The following ATP6V0A4 variants were observed in gnomAD, a reference collection of about 807,000 sequenced individuals.
ATP6V0A4 encodes ATPase H+ transporting V0 subunit a4, also known as V-type proton ATPase 116 kDa subunit a 4.
Under a neutral mutation model 107.3 loss-of-function variants are expected in ATP6V0A4, and 86 were observed. The observed-to-expected ratio is 0.80, with a 90% CI of 0.67 to 0.96. The LOEUF (loss-of-function observed/expected upper bound fraction) is 0.96, where lower values mean the gene tolerates loss of function less well. Ranked by LOEUF, ATP6V0A4 falls within the 40% of genes least tolerant of loss-of-function variation. The pLI is 0.00. For synonymous variants in ATP6V0A4, 353 were observed against 381.4 expected (o/e 0.93, Z 0.87); for missense variants, 908 against 1,045.6 (o/e 0.87, Z 1.81).
chr7:138,753,296 C>T (rs2117292688), intron 10 of ATP6V0A4, among the ~76,000 whole-genome samples: 1 of 152,310 alleles, frequency 6.6e-6, no homozygotes, highest in East Asian at 1.9e-4. Flanking sequence ...GAAGTAGGCA[C>T]TTGCAAGCCA....
At chr7:138,745,429 G>A (rs968990969) in intron 13 of ATP6V0A4, 149 bp from the exon 14 acceptor site, 7 of 1,157,212 alleles carry the variant, frequency 6.0e-6, no homozygotes, top group Non-Finnish European at 8.9e-6. Flanking sequence ...CATCCAGACA[G>A]GAAGAGCACA....
In ATP6V0A4 at chr7:138,755,769, C is replaced by T. The variant is rs1167622017; in HGVS notation, c.736G>A (p.Val246Ile). 6.2e-7 allele frequency: 1 copy of T among 1,613,446 alleles called. No individual in the cohort carries two copies. Among genetic ancestry groups the T allele is most frequent in the African/African-American group, 1.3e-5 (1 of 75,078 alleles). ...ACCGCAGGCTCTGGGCAAGGGTAGA[C>T]AGTGGCTCGAAACCTGTGTTTAATA... ...KKICDGFRAT[V>I]YPCPEPAVER... The change falls in exon 10 of 22, where the codon GTC becomes ATC. Residue 246 changes from valine (V) to isoleucine (I), a missense_variant. Transcript: ENST00000310018.
chr7:138,715,070 C>A (rs1562977833), intron 20 of ATP6V0A4, among the ~76,000 whole-genome samples: 1 of 152,156 alleles, frequency 6.6e-6, no homozygotes, highest in African/African-American at 2.4e-5. Flanking sequence ...ATGCAGGCAG[C>A]CTCAAGAGGC....
chr7:138,709,851 T>G, intron 20 of ATP6V0A4, 56 bp from the exon 21 acceptor site: 1 of 1,585,424 alleles, frequency 6.3e-7, no homozygotes, highest in East Asian at 2.3e-5. Context: ...TGTTATTTAT[T>G]GTATTTTCTC....
Position 138,747,561 on chromosome 7 carries a change from G to A in ATP6V0A4, c.1184C>T (p.Pro395Leu), listed in dbSNP as rs755337830. ...VGSYREINPA[P>L]YTIITFPFLF... ...GAAGGGGAAAGTGATGATGGTGTAGGGGGCTGCGGAGGGGAGACACACAAC... is the reference window on the plus strand; with the variant it reads ...GAAGGGGAAAGTGATGATGGTGTAGAGGGCTGCGGAGGGGAGACACACAAC... Residue 395 changes from proline (P) to leucine (L), a missense_variant, in exon 13 of 22, where the codon CCC (proline) becomes CTC (leucine). By Grantham distance (98) the Pro-to-Leu change is moderately conservative. Coordinates refer to ENST00000310018, the MANE Select transcript of ATP6V0A4 (RefSeq NM_020632.3). 8 of 1,613,940 alleles carry A rather than the reference G, an allele frequency of 5.0e-6. No individual in the cohort carries two copies. The highest frequency in any genetic ancestry group is 2.2e-5 in the South Asian group (2 of 91,030).
At chr7:138,729,039 TA>T (rs1804857220) in intron 17 of ATP6V0A4, 177 bp from the exon 18 acceptor site, 2 of 829,998 alleles carry the variant, frequency 2.4e-6, no homozygotes, top group African/African-American at 3.7e-5. Context: ...GATAGAGAAA[TA>T]TCTGTCCAGT....
chr7:138,780,783 G>C (rs1196354833), intron 2 of ATP6V0A4, among the ~76,000 whole-genome samples: 1 of 152,062 alleles, frequency 6.6e-6, no homozygotes, highest in Admixed American at 6.6e-5. Context: ...GTGCATGCCT[G>C]TGCTTCCAGC....
chr7:138,715,995 T>A, intron 19 of ATP6V0A4, 114 bp from the exon 20 acceptor site: 1 of 1,408,274 alleles, frequency 7.1e-7, no homozygotes, highest in Non-Finnish European at 9.9e-7. Context: ...ACTTTCAGTC[T>A]AACTAGGGGA....
chr7:138,760,964 T>A (rs535587258), intron 7 of ATP6V0A4, among the ~76,000 whole-genome samples: 2 of 152,232 alleles, frequency 1.3e-5, no homozygotes, highest in South Asian at 4.2e-4. Context: ...AACTATCCCA[T>A]TTCTTTTTTT....
In ATP6V0A4 at chr7:138,762,424, T is replaced by C. The variant is rs1806870820; in HGVS notation, c.428A>G (p.Asn143Ser). The C allele has an allele frequency of 3.7e-6, 6 of 1,614,158 alleles. No homozygotes were observed. Among genetic ancestry groups the C allele is most frequent in the Non-Finnish European group, 5.1e-6 (6 of 1,180,002 alleles). The part of the protein sequence containing the change: ...KTQDFFETET[N>S]LADDFFTEDT... ...CTCAGTAAAGAAATCATCAGCTAAA[T>C]TGGTTTCCGTCTGAAAGTCAAAGCA... The change falls in exon 7 of 22, where the codon AAT (asparagine) becomes AGT (serine). Residue 143 changes from asparagine (N) to serine (S), a missense_variant. Physicochemically the swap from Asn to Ser is conservative, Grantham distance 46. Coordinates refer to ENST00000310018, the MANE Select transcript of ATP6V0A4 (RefSeq NM_020632.3).
chr7:138,766,936 CT>C (rs1807121519), intron 5 of ATP6V0A4, among the ~76,000 whole-genome samples: 1 of 152,198 alleles, frequency 6.6e-6, no homozygotes, highest in Admixed American at 6.5e-5. Context: ...CCTTTTCCCA[CT>C]GCTTATCTGT....
At chr7:138,776,106 C>G (rs1481464942) in intron 2 of ATP6V0A4, among the ~76,000 whole-genome samples, 1 of 152,184 alleles carries the variant, frequency 6.6e-6, no homozygotes, top group East Asian at 1.9e-4. Context: ...AACCACCATG[C>G]CTGGCCAAGA....
rs1293214157 is a variant in ATP6V0A4, at chr7:138,734,061, A to G, written c.1691+75T>C. On this transcript the variant is annotated intron_variant, in intron 16 of 21. Transcript: ENST00000310018. ...ACTTGCACAGAGAGATGCAGTTCCCAAACCAGTGGCTCTGTCACCATTCAT... is the reference window on the plus strand; with the variant it reads ...ACTTGCACAGAGAGATGCAGTTCCCGAACCAGTGGCTCTGTCACCATTCAT... 3 of 1,509,784 alleles carry G rather than the reference A, an allele frequency of 2.0e-6. No individual in the cohort carries two copies. In the African/African-American group the frequency reaches 4.1e-5, roughly 21 times the overall value. 93.5% of individuals were successfully genotyped at this position (1,509,784 alleles called of 1,614,324 possible). A position where few individuals can be genotyped will look rare whatever the true frequency, so the allele number is the denominator to read the frequency against.
rs553922313 is a variant in ATP6V0A4, at chr7:138,711,131, A to G, written c.2258-1336T>C. On this transcript the variant is annotated intron_variant, in intron 20 of 21. Transcript: ENST00000310018. Reference sequence around the variant, plus strand: ...CTCCTCAGCTGTTTCCCACACCCCCAGCTCTAAAGGTCTTTTCTACACATT... The same window carrying G: ...CTCCTCAGCTGTTTCCCACACCCCCGGCTCTAAAGGTCTTTTCTACACATT... 1.8e-3 allele frequency among the ~76,000 whole-genome samples: 257 copies of G among 144,514 alleles called. 3 individuals carry two copies. The highest frequency in any genetic ancestry group is 8.1e-4 in the East Asian group (4 of 4,916). The allele number at this position is 144,514 out of a possible 152,430, so 94.8% of individuals were successfully genotyped here. A position where few individuals can be genotyped will look rare whatever the true frequency, so the allele number is the denominator to read the frequency against.
chr7:138,796,363 T>C (rs1054204875), intron 1 of ATP6V0A4, among the ~76,000 whole-genome samples: 3 of 152,160 alleles, frequency 2.0e-5, no homozygotes, highest in African/African-American at 7.2e-5. Context: ...AGGCCACCAC[T>C]ATTTTATATC....
chr7:138,752,044 A>C (rs28678315), intron 11 of ATP6V0A4, among the ~76,000 whole-genome samples: 26,871 of 151,974 alleles, frequency 0.18, 2,514 homozygotes, highest in Middle Eastern at 0.22. Flanking sequence ...AATCCCCCCA[A>C]AACGATAGTC....
In ATP6V0A4 at chr7:138,706,362, A is replaced by C; in HGVS notation, c.*262T>G. The C allele has an allele frequency of 2.0e-6, 1 of 491,560 alleles. No homozygotes were observed. The highest frequency in any genetic ancestry group is 3.3e-5 in the Admixed American group (1 of 30,718). 30.4% of individuals were successfully genotyped at this position (491,560 alleles called of 1,614,324 possible). A position where few individuals can be genotyped will look rare whatever the true frequency, so the allele number is the denominator to read the frequency against. On this transcript the variant is annotated 3_prime_UTR_variant, in exon 22 of 22. Transcript: ENST00000310018. ...TATTGCAAGAAGACATCTGTTTAGCATTCTCCCCTCATTTGTCAATTACTT... is the reference window on the plus strand; with the variant it reads ...TATTGCAAGAAGACATCTGTTTAGCCTTCTCCCCTCATTTGTCAATTACTT...
rs1333976244 is a variant in ATP6V0A4, at chr7:138,759,811, G to A, written c.580C>T (p.Arg194Ter). ...SFERLLWRIC[R>*]GNVYLKFSEM... Reference sequence around the variant, plus strand: ...CTGAACTTCAAGTACACGTTTCCTCGGCAGATTCGCCACAGTAACCGCTCA... The same window carrying A: ...CTGAACTTCAAGTACACGTTTCCTCAGCAGATTCGCCACAGTAACCGCTCA... Residue 194 changes from arginine (R) to a stop codon, truncating the protein, a stop_gained, in exon 8 of 22, where the codon CGA becomes TGA. Coordinates refer to ENST00000310018, the MANE Select transcript of ATP6V0A4 (RefSeq NM_020632.3). LOFTEE classifies it high-confidence loss of function. The A allele has an allele frequency of 3.7e-6, 6 of 1,614,058 alleles. No homozygotes were observed. The highest frequency in any genetic ancestry group is 4.5e-5 in the East Asian group (2 of 44,876).
chr7:138,763,650 A>C (rs1806941339), intron 5 of ATP6V0A4, among the ~76,000 whole-genome samples: 1 of 151,948 alleles, frequency 6.6e-6, no homozygotes, highest in Admixed American at 6.6e-5. Flanking sequence ...AAATAACAAT[A>C]AAAATAACTT....
Sources: allele counts gnomAD v4.1 joint callset (sites outside exome capture counted in the v4.1 genomes callset), GRCh38; gene constraint gnomAD v4.1.1; transcripts MANE v1.5; gene names NCBI Gene and HGNC (gene_info 2026-07-23, HGNC 2026-07-21).